CEP128: variants seen among roughly 807,000 people sequenced by gnomAD.
CEP128 encodes centrosomal protein 128.
CEP128 carries 132 observed loss-of-function variants against 156.7 expected under a neutral mutation model. That is an observed-to-expected ratio of 0.84 (90% CI 0.73 to 0.97). The LOEUF (loss-of-function observed/expected upper bound fraction) is 0.97. Among genes scored for constraint, CEP128 ranks in the 50% least tolerant of loss-of-function variants. CEP128 has a pLI of 0.00. For synonymous variants in CEP128, 469 were observed against 448.9 expected (o/e 1.04, Z -0.57); for missense variants, 1,252 against 1,281.9 (o/e 0.98, Z 0.36).
chr14:80,632,749 G>A (rs562458627), intron 19 of CEP128, among the ~76,000 whole-genome samples: 42 of 152,036 alleles, frequency 2.8e-4, no homozygotes, highest in African/African-American at 9.4e-4. Flanking sequence ...CTCCTAGTTC[G>A]GGTGTGTAAG....
intron 24 of CEP128, among the ~76,000 whole-genome samples, chr14:80,503,149 T>G (rs1316866625): frequency 3.3e-5 from 5 of 152,168 alleles, no homozygotes. Flanking sequence ...GTTAATTAAT[T>G]TACTAATTAA....
intron 13 of CEP128, among the ~76,000 whole-genome samples, chr14:80,795,244 C>T (rs1022567879): frequency 1.3e-5 from 2 of 152,176 alleles, no homozygotes; most frequent in African/African-American, 4.8e-5. Flanking sequence ...AGAACTGCCA[C>T]CTTTAAAGCA....
At chr14:80,796,977 T>A (rs933331542) in intron 13 of CEP128, among the ~76,000 whole-genome samples, 2 of 152,198 alleles carry the variant, frequency 1.3e-5, no homozygotes, top group African/African-American at 2.4e-5. Context: ...TGTATTTTAA[T>A]AGTGAGCAGA....
intron 12 of CEP128, 53 bp downstream of exon 12, chr14:80,836,152 C>T: frequency 6.4e-7 from 1 of 1,567,644 alleles, no homozygotes; most frequent in Non-Finnish European, 8.7e-7. Context: ...CTAAGAAAAA[C>T]CAAAAAGCCC....
chr14:80,722,933 T>C (rs1437512527), intron 19 of CEP128, among the ~76,000 whole-genome samples: 1 of 151,452 alleles, frequency 6.6e-6, no homozygotes, highest in African/African-American at 2.4e-5. Context: ...TTCACGCCAT[T>C]CTCCTGCCTC....
intron 19 of CEP128, among the ~76,000 whole-genome samples, chr14:80,675,208 T>C (rs576923714): frequency 1.4e-4 from 22 of 152,238 alleles, no homozygotes; most frequent in African/African-American, 5.3e-4. Context: ...AGTGTGTTGA[T>C]GTACATTTGA....
chr14:80,707,499 CT>C, intron 19 of CEP128, among the ~76,000 whole-genome samples: 1 of 152,142 alleles, frequency 6.6e-6, no homozygotes, highest in Middle Eastern at 3.4e-3. Context: ...GTTTTGGGGA[CT>C]TTTTTCATGG....
chr14:80,566,326 C>T (rs1019305684), intron 20 of CEP128, among the ~76,000 whole-genome samples: 11 of 152,088 alleles, frequency 7.2e-5, no homozygotes, highest in African/African-American at 2.2e-4. Flanking sequence ...CAATCCATTA[C>T]GTTTTAAAAA....
chr14:80,630,567 G>GA (rs1362727065), intron 19 of CEP128, among the ~76,000 whole-genome samples: 6 of 151,816 alleles, frequency 4.0e-5, no homozygotes, highest in South Asian at 2.1e-4. Flanking sequence ...AAGTCATATG[G>GA]AAAAAACCAC....
intron 19 of CEP128, among the ~76,000 whole-genome samples, chr14:80,729,058 G>GGGGTGTGTGTGTGTGTGTGTGTGT (rs1898141728): frequency 5.7e-5 from 6 of 105,022 alleles, no homozygotes; most frequent in African/African-American, 1.0e-4. Context: ...GGCTGGTGGG[G>GGGGTGTGTGTGTGTGTGTGTGTGT]GTGTGTGTGT....
chr14:80,898,180 AATGT>A (rs1195839902), intron 7 of CEP128, among the ~76,000 whole-genome samples: 1 of 152,208 alleles, frequency 6.6e-6, no homozygotes, highest in Admixed American at 6.5e-5. Context: ...TTTATTATTC[AATGT>A]ATGTTTTGTA....
rs1887510624 is a variant in CEP128 at position 80,496,724 on chromosome 14, A to T, written c.*755T>A. The stretch of plus-strand genomic sequence containing the variant: ...CTCATGGACAAAGGAGTTTGGTGCT[A>T]TGATTTTAGTCACAGTAAACCAAAG... On this transcript the variant is annotated 3_prime_UTR_variant, in exon 25 of 25. Transcript: ENST00000555265. 6.6e-6 allele frequency: 1 copy of T among 152,180 alleles called. No homozygotes were observed. Among genetic ancestry groups the T allele is most frequent in the African/African-American group, 2.4e-5 (1 of 41,460 alleles). 9.4% of individuals were successfully genotyped at this position (152,180 alleles called of 1,614,324 possible).
intron 8 of CEP128, among the ~76,000 whole-genome samples, chr14:80,877,111 A>G (rs539992181): frequency 1.3e-5 from 2 of 152,344 alleles, no homozygotes; most frequent in African/African-American, 4.8e-5. Context: ...GAATTAATTT[A>G]TATTAGTTTT....
At chr14:80,505,089 T>A in intron 23 of CEP128, 69 bp from the exon 24 acceptor site, 1 of 604,872 alleles carries the variant, frequency 1.7e-6, no homozygotes, top group Admixed American at 3.1e-5. Context: ...TTAAACGTAC[T>A]GAAGCTGAAA....
chr14:80,829,495 T>C (rs1284766511), intron 13 of CEP128, among the ~76,000 whole-genome samples: 1 of 152,164 alleles, frequency 6.6e-6, no homozygotes, highest in Non-Finnish European at 1.5e-5. Flanking sequence ...GCTGCAGCCT[T>C]GAACTCCTGG....
chr14:80,799,152 C>T (rs1479014418), intron 13 of CEP128, among the ~76,000 whole-genome samples: 1 of 152,142 alleles, frequency 6.6e-6, no homozygotes, highest in East Asian at 1.9e-4. Context: ...TAGAAGGGTG[C>T]TTAACCTTCA....
At chr14:80,834,129 T>C (rs540286887) in intron 12 of CEP128, among the ~76,000 whole-genome samples, 5 of 152,278 alleles carry the variant, frequency 3.3e-5, no homozygotes, top group African/African-American at 1.2e-4. Context: ...TTTTAATCAA[T>C]TCCCAGGCAG....
intron 17 of CEP128, among the ~76,000 whole-genome samples, chr14:80,759,391 T>A (rs972672058): frequency 3.3e-5 from 5 of 152,174 alleles, no homozygotes; most frequent in Admixed American, 2.6e-4. Flanking sequence ...TAAGTGGAAT[T>A]ATTCCTTTTT....
At chr14:80,787,357 C>T (rs1314142279) in intron 14 of CEP128, among the ~76,000 whole-genome samples, 2 of 152,096 alleles carry the variant, frequency 1.3e-5, no homozygotes, top group Non-Finnish European at 2.9e-5. Context: ...AGAAGCCAAC[C>T]TTGTTCCTTG....
Sources: allele counts gnomAD v4.1 joint callset (sites outside exome capture counted in the v4.1 genomes callset), GRCh38; gene constraint gnomAD v4.1.1; transcripts MANE v1.5; gene names NCBI Gene and HGNC (gene_info 2026-07-23, HGNC 2026-07-21).